Variants in CLEC7A observed in about 807,000 individuals in gnomAD.
CLEC7A encodes C-type lectin domain containing 7A, also known as C-type lectin domain family 7 member A.
CLEC7A carries 25 observed loss-of-function variants against 26.9 expected under a neutral mutation model. That is an observed-to-expected ratio of 0.93 (90% confidence interval 0.68 to 1.30). CLEC7A has a LOEUF of 1.30. Ranked by LOEUF, CLEC7A falls within the 50% of genes most tolerant of loss-of-function variation. The probability of loss-of-function intolerance (pLI) is 0.00; values close to 1 mark genes in which losing one functional copy is unlikely to be tolerated. For synonymous variants in CLEC7A, 100 were observed against 99.5 expected, an observed-to-expected ratio of 1.01 and a Z score of -0.03; for missense variants, 275 against 286.7, an observed-to-expected ratio of 0.96 and a Z score of 0.29.
intron 5 of CLEC7A, among the ~76,000 whole-genome samples, chr12:10,121,825 G>A (rs573085702): frequency 1.3e-5 from 2 of 152,146 alleles, no homozygotes; most frequent in Non-Finnish European, 2.9e-5. Context: ...TGGCTAACAC[G>A]GTGAAACCCC....
At chr12:10,123,154 C>A in intron 5 of CLEC7A, 91 bp downstream of exon 5, 2 of 756,668 alleles carry the variant, frequency 2.6e-6, no homozygotes, top group South Asian at 1.5e-5. Context: ...GTGAGCAAAT[C>A]AGGTTCTTAG....
At chr12:10,127,660 T>C in intron 2 of CLEC7A, 87 bp downstream of exon 2, 1 of 1,004,198 alleles carries the variant, frequency 1.0e-6, no homozygotes, top group Non-Finnish European at 1.5e-6. Context: ...AAGTAGATTA[T>C]GCATGTCAAG....
intron 1 of CLEC7A, among the ~76,000 whole-genome samples, chr12:10,129,547 G>A (rs970178919): frequency 6.6e-6 from 1 of 152,202 alleles, no homozygotes; most frequent in South Asian, 2.1e-4. Flanking sequence ...GCCTTTAAAA[G>A]TATATCCATA....
intron 5 of CLEC7A, 88 bp downstream of exon 5, chr12:10,123,157 G>A (rs1346638007): frequency 1.3e-6 from 1 of 792,664 alleles, no homozygotes; most frequent in African/African-American, 1.7e-5. Flanking sequence ...AGCAAATCAG[G>A]TTCTTAGCTG....
intron 4 of CLEC7A, 40 bp downstream of exon 4, chr12:10,125,257 A>T (rs751209361): frequency 1.3e-6 from 2 of 1,577,094 alleles, no homozygotes; most frequent in Non-Finnish European, 1.7e-6. Context: ...TTCCTTCAGG[A>T]TACACACCAC....
intron 4 of CLEC7A, among the ~76,000 whole-genome samples, chr12:10,123,767 C>CAAAAAAAAAAAAAAAAAAAAAA (rs372400404): frequency 8.0e-6 from 1 of 124,712 alleles, no homozygotes; most frequent in African/African-American, 4.5e-5. Context: ...GACTCCGTCT[C>CAAAAAAAAAAAAAAAAAAAAAA]AAAAAAAAAA....
At chr12:10,122,480 TTTTC>T (rs1948118562) in intron 5 of CLEC7A, among the ~76,000 whole-genome samples, 3 of 139,330 alleles carry the variant, frequency 2.2e-5, no homozygotes, top group African/African-American at 6.0e-5. Flanking sequence ...CTCTTTCTTT[TTTTC>T]TTTTTTTTTT....
Position 10,117,042 on chromosome 12 carries a change from G to A in CLEC7A, c.*1416C>T, listed in dbSNP as rs1414513861. 6.6e-6 allele frequency: 1 copy of A among 151,858 alleles called. No homozygotes were observed. The highest frequency in any genetic ancestry group is 2.4e-5 in the African/African-American group (1 of 41,342). 9.4% of individuals were successfully genotyped at this position (151,858 alleles called of 1,614,324 possible). ...ATAATACCATTTTACAGTAATTACT[G>A]AAAAAAATGGTAAAAATTGTAAAAC... On this transcript the variant is annotated 3_prime_UTR_variant, in exon 6 of 6. Coordinates refer to ENST00000304084, the MANE Select transcript of CLEC7A (RefSeq NM_197947.3).
chr12:10,126,078 T>C, intron 3 of CLEC7A: 2 of 616,388 alleles, frequency 3.2e-6, no homozygotes, highest in Non-Finnish European at 4.1e-6. Context: ...ATTTGATGAG[T>C]TTTCAGGGAC....
At chr12:10,125,198 A>AGAATT in intron 4 of CLEC7A, 99 bp downstream of exon 4, 1 of 1,153,994 alleles carries the variant, frequency 8.7e-7, no homozygotes, top group Non-Finnish European at 1.2e-6. Context: ...AAAAAAAAAA[A>AGAATT]AGACTTCATT....
intron 5 of CLEC7A, among the ~76,000 whole-genome samples, chr12:10,121,488 A>C (rs887252328): frequency 6.6e-6 from 1 of 152,218 alleles, no homozygotes; most frequent in Non-Finnish European, 1.5e-5. Flanking sequence ...TAAAAATCAC[A>C]GAACTACAAG....
intron 1 of CLEC7A, 105 bp downstream of exon 1, chr12:10,129,875 C>A: frequency 1.6e-6 from 1 of 626,164 alleles, no homozygotes; most frequent in Non-Finnish European, 2.8e-6. Context: ...GCCTCGGCCT[C>A]CCAAAGTGCT....
intron 1 of CLEC7A, among the ~76,000 whole-genome samples, chr12:10,129,348 C>CCTTT (rs1314638702): frequency 6.6e-6 from 1 of 152,134 alleles, no homozygotes; most frequent in Non-Finnish European, 1.5e-5. Context: ...ATACAGAAAT[C>CCTTT]CTTTATCTTT....
intron 5 of CLEC7A, among the ~76,000 whole-genome samples, chr12:10,119,929 T>C (rs1565619178): frequency 6.6e-6 from 1 of 151,718 alleles, no homozygotes; most frequent in Non-Finnish European, 1.5e-5. Context: ...ATTCTGAAAG[T>C]TAGAAGACAA....
intron 4 of CLEC7A, among the ~76,000 whole-genome samples, chr12:10,123,610 A>G (rs1948172400): frequency 7.0e-6 from 1 of 142,318 alleles, no homozygotes; most frequent in Non-Finnish European, 1.5e-5. Context: ...AAATACAAAA[A>G]ATTAGCCGGG....
At position 10,123,328 on chromosome 12, in the gene CLEC7A, A is replaced by T. The variant is rs1216546741; in HGVS notation, c.528T>A (p.Asp176Glu). The change falls in exon 5 of 6, where the codon GAT becomes GAA. Residue 176 changes from aspartate (D) to glutamate (E), a missense_variant. Coordinates refer to ENST00000304084, the MANE Select transcript of CLEC7A (RefSeq NM_197947.3). ...GAGAAAGGCCTATCCAAAATGAATTATCAGGTTGGGAAGACACTTGTTTTA... is the reference window on the plus strand; with the variant it reads ...GAGAAAGGCCTATCCAAAATGAATTTTCAGGTTGGGAAGACACTTGTTTTA... Reference protein sequence around the residue: ...FIVKQVSSQPDNSFWIGLSRP... With the variant: ...FIVKQVSSQPENSFWIGLSRP... 1 of 1,612,080 alleles carries T rather than the reference A, an allele frequency of 6.2e-7. No individual in the cohort carries two copies. Among genetic ancestry groups the T allele is most frequent in the East Asian group, 2.2e-5 (1 of 44,880 alleles).
chr12:10,129,408 C>T (rs894098963), intron 1 of CLEC7A, among the ~76,000 whole-genome samples: 1 of 152,084 alleles, frequency 6.6e-6, no homozygotes, highest in African/African-American at 2.4e-5. Flanking sequence ...ATGTCTATAT[C>T]TATAGAAAAG....
intron 3 of CLEC7A, 156 bp downstream of exon 3, chr12:10,126,415 A>G: frequency 2.0e-6 from 2 of 978,356 alleles, no homozygotes; most frequent in Non-Finnish European, 2.4e-6. Context: ...TATATATGAC[A>G]GGGATACATT....
rs1392341434 is a variant in CLEC7A, at chr12:10,127,747, C to T, written c.202G>A (p.Ala68Thr). Reference sequence around the variant, plus strand: ...TTAATCTCCTCCACCAAATACTCACCCATGGTACCCAGGACCACAGCTATC... The same window carrying T: ...TTAATCTCCTCCACCAAATACTCACTCATGGTACCCAGGACCACAGCTATC... ...LVIAVVLGTM[A>T]IWRSNSGSNT... The change falls in exon 2 of 6, where the codon GCT becomes ACT. Residue 68 changes from alanine (A) to threonine (T), a missense_variant and splice_region_variant. Physicochemically the swap from Ala to Thr is moderately conservative, Grantham distance 58. Transcript: ENST00000304084. 6.3e-7 allele frequency: 1 copy of T among 1,575,806 alleles called. No homozygotes were observed. Among genetic ancestry groups the T allele is most frequent in the South Asian group, 1.1e-5 (1 of 87,000 alleles).
Sources: gnomAD v4.1 joint callset for allele counts (sites outside exome capture counted in the v4.1 genomes callset) on GRCh38, gnomAD v4.1.1 for gene constraint, MANE v1.5 for transcripts, NCBI Gene and HGNC (gene_info 2026-07-23, HGNC 2026-07-21) for gene names.